The following SDK1 variants were observed in gnomAD, a reference collection of about 807,000 sequenced individuals.
SDK1 encodes sidekick cell adhesion molecule 1, also known as protein sidekick-1.
In SDK1, 157 loss-of-function variants were observed where a neutral mutation model predicts 245.5. The observed-to-expected ratio is 0.64, with a 90% confidence interval of 0.56 to 0.73. SDK1 has a LOEUF of 0.73. Ranked by LOEUF, SDK1 falls within the 30% of genes least tolerant of loss-of-function variation. The pLI, the probability that SDK1 is intolerant of heterozygous loss-of-function variation, is 0.00. For missense variants in SDK1, 3,583 were observed against 3,002.3 expected (o/e 1.19, Z -4.52); for synonymous variants, 1,647 against 1,278.5 (o/e 1.29, Z -6.15).
chr7:3,862,068 A>G (rs375163807), intron 5 of SDK1, among the ~76,000 whole-genome samples: 176 of 152,342 alleles, frequency 1.2e-3, no homozygotes, highest in South Asian at 5.2e-3. Context: ...CTCCTTGCCA[A>G]TGGTGGGTGG....
chr7:3,418,329 C>T (rs1262877094), intron 1 of SDK1, among the ~76,000 whole-genome samples: 1 of 151,874 alleles, frequency 6.6e-6, no homozygotes, highest in Non-Finnish European at 1.5e-5. Flanking sequence ...AAACAAACAA[C>T]TCCCAAGGCA....
At position 4,175,851 on chromosome 7, in the gene SDK1, C is replaced by A. The variant is rs755199072; in HGVS notation, c.4996+17C>A. On this transcript the variant is annotated intron_variant, in intron 34 of 44. Transcript: ENST00000404826. ...AACTAACACGTAAGTGCGCTCTCAG[C>A]GGGAGGCCCATGCCGCGAGGCGCAC... 7 of 1,609,054 alleles carry A rather than the reference C, an allele frequency of 4.4e-6. No homozygotes were observed. The highest frequency in any genetic ancestry group is 5.1e-6 in the Non-Finnish European group (6 of 1,177,340).
intron 2 of SDK1, among the ~76,000 whole-genome samples, chr7:3,621,330 T>C (rs572860150): frequency 1.3e-5 from 2 of 152,318 alleles, no homozygotes; most frequent in African/African-American, 4.8e-5. Context: ...AGTTATCTAA[T>C]GTTGATCTTT....
At chr7:3,981,915 C>A (rs190696582) in intron 13 of SDK1, among the ~76,000 whole-genome samples, 1 of 152,168 alleles carries the variant, frequency 6.6e-6, no homozygotes, top group Non-Finnish European at 1.5e-5. Flanking sequence ...GGAACAGTGA[C>A]GAGGGTGGCT....
intron 17 of SDK1, among the ~76,000 whole-genome samples, chr7:4,040,448 A>T (rs77775006): frequency 6.6e-6 from 1 of 152,068 alleles, no homozygotes; most frequent in African/African-American, 2.4e-5. Flanking sequence ...GTAATACCCA[A>T]AGTTTGTTGT....
intron 2 of SDK1, among the ~76,000 whole-genome samples, chr7:3,629,267 C>G (rs1182409431): frequency 6.7e-6 from 1 of 150,234 alleles, no homozygotes; most frequent in Non-Finnish European, 1.5e-5. Flanking sequence ...CGCCACTGCA[C>G]TCCAGCCTGG....
chr7:3,912,400 T>A (rs948160321), intron 5 of SDK1, among the ~76,000 whole-genome samples: 1 of 152,246 alleles, frequency 6.6e-6, no homozygotes, highest in Non-Finnish European at 1.5e-5. Context: ...GCACTCAGTG[T>A]TTTTGCATGA....
At chr7:3,795,678 C>T (rs1040989328) in intron 4 of SDK1, among the ~76,000 whole-genome samples, 2 of 152,024 alleles carry the variant, frequency 1.3e-5, no homozygotes, top group Admixed American at 6.6e-5. Context: ...GAACCCATCA[C>T]GTTAGATTGA....
At chr7:3,380,258 A>C (rs989721626) in intron 1 of SDK1, among the ~76,000 whole-genome samples, 1 of 152,230 alleles carries the variant, frequency 6.6e-6, no homozygotes, top group African/African-American at 2.4e-5. Flanking sequence ...CTTACTGGAA[A>C]TGGCCTGTGA....
At chr7:3,734,760 G>A (rs550840901) in intron 4 of SDK1, among the ~76,000 whole-genome samples, 1 of 152,344 alleles carries the variant, frequency 6.6e-6, no homozygotes, top group South Asian at 2.1e-4. Flanking sequence ...TTCATCCTCA[G>A]TGCATAGGAC....
At chr7:3,351,803 C>G (rs1780667282) in intron 1 of SDK1, among the ~76,000 whole-genome samples, 1 of 152,096 alleles carries the variant, frequency 6.6e-6, no homozygotes, top group Non-Finnish European at 1.5e-5. Flanking sequence ...GGGAAGTTAA[C>G]ATACCTTTCT....
At chr7:3,706,317 T>G (rs1784888201) in intron 4 of SDK1, among the ~76,000 whole-genome samples, 1 of 152,214 alleles carries the variant, frequency 6.6e-6, no homozygotes, top group Non-Finnish European at 1.5e-5. Flanking sequence ...TTCTCAGTCT[T>G]TTGGAATAGT....
In SDK1 at chr7:4,051,673, C is replaced by T; in HGVS notation, c.2754C>T (p.Val918=). ...LAWPADAPEA[V]TVVTIAPDFH... is the part of the protein sequence containing the mutation. Reference sequence around the variant, plus strand: ...GGCCGGCAGATGCCCCCGAGGCTGTCACTGTGGTCACTATTGCCCCAGATT... The same window carrying T: ...GGCCGGCAGATGCCCCCGAGGCTGTTACTGTGGTCACTATTGCCCCAGATT... The change falls in exon 19 of 45, where the codon GTC becomes GTT. Residue 918 remains valine, a synonymous_variant. Transcript: ENST00000404826. The T allele has an allele frequency of 6.2e-7, 1 of 1,613,158 alleles. No homozygotes were observed. Among genetic ancestry groups the T allele is most frequent in the African/African-American group, 1.3e-5 (1 of 75,000 alleles).
chr7:3,348,898 T>A (rs1440255428), intron 1 of SDK1, among the ~76,000 whole-genome samples: 1 of 152,206 alleles, frequency 6.6e-6, no homozygotes, highest in East Asian at 1.9e-4. Context: ...AGTCTTAAGA[T>A]GCACATGTGA....
intron 1 of SDK1, among the ~76,000 whole-genome samples, chr7:3,538,543 A>G (rs1022077984): frequency 2.0e-5 from 3 of 152,210 alleles, no homozygotes; most frequent in Non-Finnish European, 2.9e-5. Flanking sequence ...ATCCTTATTT[A>G]TGCTTAAGGT....
intron 1 of SDK1, among the ~76,000 whole-genome samples, chr7:3,334,651 C>T (rs574199301): frequency 3.2e-4 from 48 of 152,282 alleles, no homozygotes; most frequent in Non-Finnish European, 5.7e-4. Context: ...CTCTACTTTC[C>T]TGTCTTGCTG....
At chr7:3,568,065 C>G (rs866019216) in intron 1 of SDK1, among the ~76,000 whole-genome samples, 1 of 152,278 alleles carries the variant, frequency 6.6e-6, no homozygotes, top group South Asian at 2.1e-4. Flanking sequence ...AAGCAATCCT[C>G]CCACCTTAGC....
Position 4,268,459 on chromosome 7 carries a change from G to A in SDK1, c.*3075G>A, listed in dbSNP as rs920482120. On this transcript the variant is annotated 3_prime_UTR_variant, in exon 45 of 45. Transcript: ENST00000404826. ...CTCTCCCAGCCTGCTTTTATAAGGC[G>A]CACTTCACTCAATGCTGTAGCCAAA... The A allele has an allele frequency of 1.2e-5, 14 of 1,146,808 alleles. No individual in the cohort carries two copies. The highest frequency in any genetic ancestry group is 3.5e-5 in the South Asian group (2 of 56,812). The allele number at this position is 1,146,808 out of a possible 1,614,324, so 71.0% of individuals were successfully genotyped here.
chr7:4,169,717 C>G (rs1312938749), intron 32 of SDK1, among the ~76,000 whole-genome samples: 1 of 152,148 alleles, frequency 6.6e-6, no homozygotes, highest in Admixed American at 6.5e-5. Context: ...GCCCTGAGCT[C>G]TTGGTGAGTC....
Sources: allele counts gnomAD v4.1 joint callset (sites outside exome capture counted in the v4.1 genomes callset), GRCh38; gene constraint gnomAD v4.1.1; transcripts MANE v1.5; gene names NCBI Gene and HGNC (gene_info 2026-07-23, HGNC 2026-07-21).